Variants in FA2H observed in about 807,000 individuals in gnomAD.
The protein encoded by FA2H is fatty acid alpha-hydroxylase.
Under a neutral mutation model 44.9 loss-of-function variants are expected in FA2H, and 22 were observed. The ratio of observed to expected loss-of-function variants is 0.49; its 90% CI spans 0.35 to 0.70. The LOEUF is 0.70. Among genes scored for constraint, FA2H ranks in the 30% least tolerant of loss-of-function variants. The pLI, the probability that FA2H is intolerant of heterozygous loss-of-function variation, is 0.01. For synonymous variants in FA2H, 243 were observed against 213.2 expected (o/e 1.14, Z -1.22); for missense variants, 501 against 504.9 (o/e 0.99, Z 0.07).
At chr16:74,764,474 A>G (rs1962769978) in intron 1 of FA2H, among the ~76,000 whole-genome samples, 1 of 152,216 alleles carries the variant, frequency 6.6e-6, no homozygotes, top group South Asian at 2.1e-4. Flanking sequence ...AGGAACAGAA[A>G]CCAAATACCA....
At chr16:74,741,808 A>G (rs112179466) in intron 1 of FA2H, among the ~76,000 whole-genome samples, 7,978 of 46,132 alleles carry the variant, frequency 0.17, 587 homozygotes, top group Admixed American at 0.22. Flanking sequence ...ATATATATAT[A>G]TGTGTGTGTG....
Position 74,740,006 on chromosome 16 carries a change from C to T in FA2H, c.363+17G>A. On this transcript the variant is annotated intron_variant, in intron 2 of 6. Transcript: ENST00000219368. ...CCAGCCCCCAGTCATCACCCCACTC[C>T]ATCCTATGCCAGGTACCTTGTCCCA... The T allele has an allele frequency of 6.3e-7, 1 of 1,591,408 alleles. No individual in the cohort carries two copies. The highest frequency in any genetic ancestry group is 8.6e-7 in the Non-Finnish European group (1 of 1,159,306).
chr16:74,734,983 G>T (rs373933127), intron 2 of FA2H, among the ~76,000 whole-genome samples: 1 of 152,230 alleles, frequency 6.6e-6, no homozygotes, highest in Admixed American at 6.5e-5. Context: ...GGAGAGGAGT[G>T]GGGGCCGGTT....
intron 5 of FA2H, 175 bp from the exon 6 acceptor site, chr16:74,716,774 G>C: frequency 3.0e-6 from 2 of 658,424 alleles, no homozygotes; most frequent in Non-Finnish European, 5.0e-6. Context: ...AAGATCTGGA[G>C]AGACTGTCTT....
intron 1 of FA2H, among the ~76,000 whole-genome samples, chr16:74,765,457 A>G (rs1307893328): frequency 6.6e-6 from 1 of 151,278 alleles, no homozygotes; most frequent in East Asian, 2.0e-4. Context: ...GTGCCCGGCT[A>G]TGTTTCATTC....
At chr16:74,722,025 C>A (rs1961851787) in intron 4 of FA2H, among the ~76,000 whole-genome samples, 1 of 152,202 alleles carries the variant, frequency 6.6e-6, no homozygotes, top group Non-Finnish European at 1.5e-5. Context: ...GCATTGCCTG[C>A]ATGATTGAGG....
At chr16:74,758,124 T>C (rs919664288) in intron 1 of FA2H, among the ~76,000 whole-genome samples, 5 of 148,994 alleles carry the variant, frequency 3.4e-5, no homozygotes, top group Non-Finnish European at 6.0e-5. Flanking sequence ...ATTCTTTTTT[T>C]TTTTTTTTTT....
chr16:74,725,939 A>T, intron 4 of FA2H: 1 of 422,384 alleles, frequency 2.4e-6, no homozygotes, highest in Non-Finnish European at 4.5e-6. Flanking sequence ...GTGACACTCA[A>T]TGAGAGGCAC....
intron 2 of FA2H, among the ~76,000 whole-genome samples, chr16:74,731,189 C>G (rs1962064549): frequency 6.9e-6 from 1 of 145,204 alleles, no homozygotes; most frequent in African/African-American, 2.6e-5. Flanking sequence ...GAGTTTCACT[C>G]TTTTTGCCAT....
intron 1 of FA2H, among the ~76,000 whole-genome samples, chr16:74,755,983 G>A (rs902727848): frequency 6.6e-6 from 1 of 152,172 alleles, no homozygotes; most frequent in African/African-American, 2.4e-5. Flanking sequence ...GAAAGTCCCA[G>A]GAATCTATTT....
intron 1 of FA2H, among the ~76,000 whole-genome samples, chr16:74,771,762 A>T (rs1480913228): frequency 6.6e-6 from 1 of 151,290 alleles, no homozygotes; most frequent in Non-Finnish European, 1.5e-5. Context: ...TTGTCTAGAG[A>T]CTCTCCCGAA....
intron 1 of FA2H, among the ~76,000 whole-genome samples, chr16:74,746,369 A>ATT (rs1365339556): frequency 1.0e-5 from 1 of 98,202 alleles, no homozygotes; most frequent in Non-Finnish European, 2.3e-5. Context: ...AATTATTATT[A>ATT]TTATTATTAT....
At chr16:74,724,454 G>C (rs1961907050) in intron 4 of FA2H, among the ~76,000 whole-genome samples, 1 of 152,174 alleles carries the variant, frequency 6.6e-6, no homozygotes, top group East Asian at 1.9e-4. Flanking sequence ...AGGAATGTCA[G>C]CCTTGAACTG....
intron 1 of FA2H, among the ~76,000 whole-genome samples, chr16:74,771,217 A>C (rs1962899852): frequency 6.6e-6 from 1 of 151,420 alleles, no homozygotes; most frequent in African/African-American, 2.4e-5. Context: ...TTTGTGACAA[A>C]ATCTTACCTG....
rs1197014724 is a variant in FA2H, at chr16:74,714,147, G to T, written c.*43C>A. 3.8e-6 allele frequency: 5 copies of T among 1,327,846 alleles called. No individual in the cohort carries two copies. In the Admixed American group the frequency reaches 9.9e-5, roughly 26 times the overall value. The allele number at this position is 1,327,846 out of a possible 1,614,324, so 82.3% of individuals were successfully genotyped here. On this transcript the variant is annotated 3_prime_UTR_variant, in exon 7 of 7. Coordinates refer to ENST00000219368, the MANE Select transcript of FA2H (RefSeq NM_024306.5). ...GAATGGCGGGTGGGGGTCGGGAAGG[G>T]GCCAGGGCCGGGCTGAGGGCAGGAC...
intron 2 of FA2H, among the ~76,000 whole-genome samples, chr16:74,730,518 C>A (rs968788473): frequency 2.0e-5 from 3 of 151,952 alleles, no homozygotes; most frequent in Non-Finnish European, 2.9e-5. Flanking sequence ...CTCATTCCCT[C>A]CAGTCCTCTG....
chr16:74,758,543 GAACA>G (rs1301750717), intron 1 of FA2H, among the ~76,000 whole-genome samples: 1 of 151,996 alleles, frequency 6.6e-6, no homozygotes. Flanking sequence ...TCCATTCCCT[GAACA>G]AACAGAATAC....
chr16:74,766,770 G>A (rs1401715240), intron 1 of FA2H, among the ~76,000 whole-genome samples: 1 of 152,184 alleles, frequency 6.6e-6, no homozygotes, highest in Non-Finnish European at 1.5e-5. Context: ...CGATTACTGT[G>A]AAGAGTAAGA....
chr16:74,728,663 C>G (rs913334306), intron 2 of FA2H, among the ~76,000 whole-genome samples: 2 of 151,548 alleles, frequency 1.3e-5, no homozygotes, highest in Admixed American at 1.3e-4. Flanking sequence ...CAAGGATGTA[C>G]GTGTACTCCA....
Sources: allele counts gnomAD v4.1 joint callset (sites outside exome capture counted in the v4.1 genomes callset), GRCh38; gene constraint gnomAD v4.1.1; transcripts MANE v1.5; gene names NCBI Gene and HGNC (gene_info 2026-07-23, HGNC 2026-07-21).